The following LRRC4C variants were observed in gnomAD, a reference collection of about 807,000 sequenced individuals.
The protein encoded by LRRC4C is leucine-rich repeat-containing protein 4C.
A neutral mutation model predicts 33.6 loss-of-function variants in LRRC4C; 5 were observed. That is an observed-to-expected ratio of 0.15 (90% CI 0.08 to 0.31). The LOEUF (loss-of-function observed/expected upper bound fraction) is 0.31. Among genes scored for constraint, LRRC4C ranks in the 10% least tolerant of loss-of-function variants. LRRC4C has a pLI of 1.00. For missense variants in LRRC4C, 560 were observed against 796.7 expected (o/e 0.70, Z 3.58); for synonymous variants, 329 against 302.0 (o/e 1.09, Z -0.93).
intron 2 of LRRC4C, among the ~76,000 whole-genome samples, chr11:40,709,039 T>C (rs1362739120): frequency 2.6e-5 from 4 of 152,190 alleles, no homozygotes; most frequent in Non-Finnish European, 4.4e-5. Context: ...TGCTTTTTTT[T>C]TGTTTTCCAT....
chr11:41,006,548 A>C (rs1854767249), intron 1 of LRRC4C, among the ~76,000 whole-genome samples: 1 of 152,172 alleles, frequency 6.6e-6, no homozygotes, highest in Non-Finnish European at 1.5e-5. Flanking sequence ...TCTAGTGATG[A>C]CTAGGCCTTC....
chr11:40,656,522 T>C (rs1452201896), intron 2 of LRRC4C, among the ~76,000 whole-genome samples: 1 of 151,832 alleles, frequency 6.6e-6, no homozygotes, highest in Non-Finnish European at 1.5e-5. Flanking sequence ...TGATGAACTC[T>C]ATTTATGTCC....
chr11:40,139,503 T>G (rs559408893), intron 6 of LRRC4C, among the ~76,000 whole-genome samples: 1 of 152,332 alleles, frequency 6.6e-6, no homozygotes, highest in South Asian at 2.1e-4. Flanking sequence ...GCATCTTTTT[T>G]TTGTTTGTTT....
At chr11:40,350,444 G>A (rs955796127) in intron 3 of LRRC4C, among the ~76,000 whole-genome samples, 1 of 151,976 alleles carries the variant, frequency 6.6e-6, no homozygotes, top group Non-Finnish European at 1.5e-5. Context: ...CTAGTCCATT[G>A]GTCTATGTGT....
At chr11:40,425,418 T>C (rs1056729816) in intron 3 of LRRC4C, among the ~76,000 whole-genome samples, 2 of 152,150 alleles carry the variant, frequency 1.3e-5, no homozygotes, top group East Asian at 3.9e-4. Context: ...GGAGGAAATT[T>C]TGTTTGCGTC....
intron 4 of LRRC4C, among the ~76,000 whole-genome samples, chr11:40,296,508 C>T (rs1441871137): frequency 2.0e-5 from 3 of 152,092 alleles, no homozygotes; most frequent in Admixed American, 6.5e-5. Context: ...TTTGCGATAA[C>T]ATTAAGGTTT....
chr11:41,017,797 A>G (rs1855696159), intron 1 of LRRC4C, among the ~76,000 whole-genome samples: 1 of 150,094 alleles, frequency 6.7e-6, no homozygotes, highest in Admixed American at 6.7e-5. Flanking sequence ...TAATTTGGGT[A>G]TATATAATAT....
intron 1 of LRRC4C, among the ~76,000 whole-genome samples, chr11:41,181,619 C>A (rs974527010): frequency 5.9e-5 from 9 of 152,268 alleles, no homozygotes; most frequent in African/African-American, 2.2e-4. Flanking sequence ...TAATGGATAT[C>A]CTCAGAGTAT....
At chr11:40,496,380 A>G (rs1954459656) in intron 3 of LRRC4C, among the ~76,000 whole-genome samples, 1 of 152,214 alleles carries the variant, frequency 6.6e-6, no homozygotes. Flanking sequence ...ACACTTGTAC[A>G]TTGTGAAAGG....
chr11:40,361,014 G>A (rs1947923769), intron 3 of LRRC4C, among the ~76,000 whole-genome samples: 1 of 152,068 alleles, frequency 6.6e-6, no homozygotes, highest in African/African-American at 2.4e-5. Context: ...TATCTCAATG[G>A]CTGCAGAAAA....
intron 1 of LRRC4C, among the ~76,000 whole-genome samples, chr11:41,396,476 T>A (rs1953819332): frequency 6.6e-6 from 1 of 152,044 alleles, no homozygotes; most frequent in Non-Finnish European, 1.5e-5. Context: ...AGTTATTGTC[T>A]TCACTTTCTG....
intron 1 of LRRC4C, among the ~76,000 whole-genome samples, chr11:41,405,551 G>T (rs1954201479): frequency 6.6e-6 from 1 of 152,062 alleles, no homozygotes; most frequent in Admixed American, 6.5e-5. Flanking sequence ...TACTTACATG[G>T]TTGATAGTAA....
intron 1 of LRRC4C, among the ~76,000 whole-genome samples, chr11:41,277,648 G>A (rs1949526009): frequency 6.6e-6 from 1 of 152,092 alleles, no homozygotes; most frequent in Non-Finnish European, 1.5e-5. Context: ...GACTTCAGGG[G>A]AAAAACAAAT....
intron 5 of LRRC4C, among the ~76,000 whole-genome samples, chr11:40,196,634 T>A (rs1161179366): frequency 6.6e-6 from 1 of 152,222 alleles, no homozygotes; most frequent in Non-Finnish European, 1.5e-5. Flanking sequence ...ATTTGCATTA[T>A]TGAGTACATT....
At chr11:40,905,540 C>T (rs1231410697) in intron 2 of LRRC4C, among the ~76,000 whole-genome samples, 2 of 152,174 alleles carry the variant, frequency 1.3e-5, no homozygotes, top group African/African-American at 4.8e-5. Flanking sequence ...AACTAACAGG[C>T]AGAAACTACA....
chr11:40,340,061 A>G (rs1175615990), intron 3 of LRRC4C, among the ~76,000 whole-genome samples: 1 of 152,130 alleles, frequency 6.6e-6, no homozygotes, highest in Non-Finnish European at 1.5e-5. Context: ...AAACCATTTC[A>G]TTAAAATTAC....
intron 3 of LRRC4C, among the ~76,000 whole-genome samples, chr11:40,350,695 TTAA>T (rs1468613140): frequency 6.6e-6 from 1 of 152,120 alleles, no homozygotes; most frequent in Non-Finnish European, 1.5e-5. Context: ...TAAGAACTTT[TTAA>T]TAATATTGAT....
chr11:40,432,308 C>T (rs1238684862), intron 3 of LRRC4C, among the ~76,000 whole-genome samples: 1 of 152,096 alleles, frequency 6.6e-6, no homozygotes, highest in Non-Finnish European at 1.5e-5. Flanking sequence ...CTTGAAATCC[C>T]CTCTGAACTA....
At chr11:40,242,363 G>A (rs1051135657) in intron 4 of LRRC4C, among the ~76,000 whole-genome samples, 1 of 152,050 alleles carries the variant, frequency 6.6e-6, no homozygotes, top group South Asian at 2.1e-4. Context: ...CTTTGAAATG[G>A]CTTTTGTTTA....
Sources: allele counts gnomAD v4.1 joint callset (sites outside exome capture counted in the v4.1 genomes callset), GRCh38; gene constraint gnomAD v4.1.1; transcripts MANE v1.5; gene names NCBI Gene and HGNC (gene_info 2026-07-23, HGNC 2026-07-21).